GPHN: variants seen among roughly 807,000 people sequenced by gnomAD.
GPHN encodes gephyrin.
In GPHN, 17 loss-of-function variants were observed where a neutral mutation model predicts 95.5. The ratio of observed to expected loss-of-function variants is 0.18; its 90% CI spans 0.12 to 0.27. The LOEUF is 0.27. Among genes scored for constraint, GPHN ranks in the 10% least tolerant of loss-of-function variants. The pLI is 1.00. For synonymous variants in GPHN, 320 were observed against 322.5 expected, an observed-to-expected ratio of 0.99 and a Z score of 0.08; for missense variants, 660 against 978.1, an observed-to-expected ratio of 0.67 and a Z score of 4.34.
chr14:67,675,541 T>C, the GPHN span, among the ~76,000 whole-genome samples: 1 of 151,574 alleles, frequency 6.6e-6, no homozygotes, highest in Non-Finnish European at 1.5e-5. Context: ...CGAAATACTC[T>C]AGCTGCTAGG....
At chr14:66,956,962 T>G (rs8020894) in intron 8 of GPHN, among the ~76,000 whole-genome samples, 1,610 of 87,122 alleles carry the variant, frequency 0.018, 45 homozygotes, top group African/African-American at 0.067. Context: ...TGGGGACTGT[T>G]GTGGGGTGGG....
At chr14:67,327,706 T>G in the GPHN span, among the ~76,000 whole-genome samples, 6 of 152,104 alleles carry the variant, frequency 3.9e-5, no homozygotes, top group African/African-American at 1.4e-4. Context: ...GTTCTCATTG[T>G]TCAGTTCCCA....
chr14:66,678,578 A>G (rs1339063370), intron 1 of GPHN, among the ~76,000 whole-genome samples: 1 of 151,598 alleles, frequency 6.6e-6, no homozygotes. Context: ...GGTATTTCAT[A>G]GATTTTCTTT....
At chr14:67,180,329 C>T (rs1411545068) in intron 22 of GPHN, among the ~76,000 whole-genome samples, 1 of 152,106 alleles carries the variant, frequency 6.6e-6, no homozygotes, top group Non-Finnish European at 1.5e-5. Context: ...TTCAAACTGG[C>T]CACCAACCTA....
At chr14:67,593,677 G>T in the GPHN span, 2 of 889,480 alleles carry the variant, frequency 2.2e-6, no homozygotes, top group Non-Finnish European at 3.8e-6. Flanking sequence ...TTTAAATCTG[G>T]GAACATCCCA....
At chr14:67,607,995 G>A in the GPHN span, among the ~76,000 whole-genome samples, 1 of 152,124 alleles carries the variant, frequency 6.6e-6, no homozygotes, top group African/African-American at 2.4e-5. Flanking sequence ...TCAGCACTTT[G>A]GGAGGCTGAG....
chr14:67,257,111 A>G, the GPHN span, among the ~76,000 whole-genome samples: 1 of 152,138 alleles, frequency 6.6e-6, no homozygotes, highest in Non-Finnish European at 1.5e-5. Flanking sequence ...CTTTCAGTTG[A>G]TAAGAGTTAG....
chr14:66,887,867 G>A (rs555586477), intron 5 of GPHN, among the ~76,000 whole-genome samples: 3 of 152,274 alleles, frequency 2.0e-5, no homozygotes, highest in South Asian at 4.2e-4. Context: ...CAGATACCAT[G>A]CAAGAACAGA....
chr14:67,569,912 C>G, the GPHN span: 1 of 1,586,090 alleles, frequency 6.3e-7, no homozygotes, highest in South Asian at 1.1e-5. Flanking sequence ...TCCTCTCTTC[C>G]CTGCTCAGCT....
intron 20 of GPHN, among the ~76,000 whole-genome samples, chr14:67,166,294 C>G (rs577010415): frequency 6.6e-6 from 1 of 152,248 alleles, no homozygotes. Context: ...TTTCATAATT[C>G]CTTGGATGCT....
intron 2 of GPHN, among the ~76,000 whole-genome samples, chr14:66,712,232 C>G (rs917288085): frequency 2.0e-5 from 3 of 152,172 alleles, no homozygotes; most frequent in Non-Finnish European, 4.4e-5. Flanking sequence ...TACTATTTCT[C>G]CACATCTTCT....
chr14:66,966,002 C>T (rs1389588272), intron 9 of GPHN, among the ~76,000 whole-genome samples: 1 of 152,064 alleles, frequency 6.6e-6, no homozygotes, highest in Non-Finnish European at 1.5e-5. Flanking sequence ...GCTGTGACTA[C>T]TTTCTCCTGG....
At chr14:66,561,803 C>T (rs1034225626) in intron 1 of GPHN, among the ~76,000 whole-genome samples, 1 of 152,078 alleles carries the variant, frequency 6.6e-6, no homozygotes, top group African/African-American at 2.4e-5. Context: ...TTCTGAAGAT[C>T]AGAGGTCCAA....
the GPHN span, among the ~76,000 whole-genome samples, chr14:67,426,267 T>G: frequency 6.6e-6 from 1 of 152,072 alleles, no homozygotes; most frequent in East Asian, 1.9e-4. Flanking sequence ...ATCTCTGGGC[T>G]GAGTTGGGTA....
At chr14:67,440,887 G>A in the GPHN span, among the ~76,000 whole-genome samples, 3 of 152,250 alleles carry the variant, frequency 2.0e-5, no homozygotes, top group African/African-American at 7.2e-5. Context: ...GCAGGAGCAA[G>A]AGAAGGCAGG....
intron 17 of GPHN, among the ~76,000 whole-genome samples, chr14:67,132,113 T>C (rs1310560088): frequency 6.6e-6 from 1 of 152,208 alleles, no homozygotes; most frequent in East Asian, 1.9e-4. Context: ...AAGCTACCTC[T>C]TTATATTAAA....
the GPHN span, among the ~76,000 whole-genome samples, chr14:67,638,085 A>G: frequency 2.0e-5 from 3 of 152,252 alleles, no homozygotes; most frequent in Non-Finnish European, 4.4e-5. Flanking sequence ...CATAAAGGAA[A>G]GCCTCCTGCT....
At chr14:66,635,923 G>A (rs974864326) in intron 1 of GPHN, among the ~76,000 whole-genome samples, 2 of 151,944 alleles carry the variant, frequency 1.3e-5, no homozygotes, top group African/African-American at 4.8e-5. Context: ...CAGATCATAA[G>A]GTCAGGAGAT....
intron 8 of GPHN, among the ~76,000 whole-genome samples, chr14:66,940,532 T>C (rs1343823241): frequency 6.6e-6 from 1 of 152,176 alleles, no homozygotes; most frequent in Non-Finnish European, 1.5e-5. Context: ...GTGGGAGGTA[T>C]CAGCTTTTAA....
Sources: allele counts gnomAD v4.1 joint callset (sites outside exome capture counted in the v4.1 genomes callset), GRCh38; gene constraint gnomAD v4.1.1; transcripts MANE v1.5; gene names NCBI Gene and HGNC (gene_info 2026-07-23, HGNC 2026-07-21).